CDH13: variants seen among roughly 807,000 people sequenced by gnomAD.
The protein encoded by CDH13 is cadherin-13.
In CDH13, 24 loss-of-function variants were observed where a neutral mutation model predicts 63.8. The ratio of observed to expected loss-of-function variants is 0.38; its 90% confidence interval spans 0.27 to 0.53. The LOEUF is 0.53. Ranked by LOEUF, CDH13 falls within the 20% of genes least tolerant of loss-of-function variation. The pLI is 0.85. For missense variants in CDH13, 1,049 were observed against 903.1 expected, an observed-to-expected ratio of 1.16 and a Z score of -2.07; for synonymous variants, 503 against 355.3, an observed-to-expected ratio of 1.42 and a Z score of -4.67.
chr16:83,594,458 C>T (rs951459787), intron 7 of CDH13, among the ~76,000 whole-genome samples: 23 of 152,124 alleles, frequency 1.5e-4, no homozygotes, highest in Non-Finnish European at 2.5e-4. Flanking sequence ...AAATGTCAAC[C>T]ATCCTATTGT....
At chr16:82,757,366 C>G (rs564071341) in intron 1 of CDH13, among the ~76,000 whole-genome samples, 2 of 148,766 alleles carry the variant, frequency 1.3e-5, no homozygotes, top group African/African-American at 4.9e-5. Flanking sequence ...GTCCAAAGGC[C>G]CTTGTCTTGA....
intron 6 of CDH13, among the ~76,000 whole-genome samples, chr16:83,417,456 G>A (rs76707112): frequency 0.011 from 1,686 of 152,048 alleles, 26 homozygotes; most frequent in African/African-American, 0.037. Context: ...TTAACCTGTC[G>A]TGACACCACC....
At chr16:83,129,867 A>G (rs1394670499) in intron 4 of CDH13, among the ~76,000 whole-genome samples, 2 of 152,148 alleles carry the variant, frequency 1.3e-5, no homozygotes, top group East Asian at 1.9e-4. Flanking sequence ...ATATATCTAT[A>G]TTATTTTTTG....
intron 1 of CDH13, among the ~76,000 whole-genome samples, chr16:82,820,950 C>T (rs886719302): frequency 5.9e-5 from 9 of 152,098 alleles, no homozygotes; most frequent in African/African-American, 2.2e-4. Flanking sequence ...GTGGGACCTG[C>T]CTCTACCAAT....
chr16:82,935,197 A>C (rs1345712974), intron 2 of CDH13, among the ~76,000 whole-genome samples: 1 of 152,220 alleles, frequency 6.6e-6, no homozygotes, highest in Admixed American at 6.5e-5. Flanking sequence ...GTTCATCTTC[A>C]CATGGCAGCA....
chr16:83,570,585 TGCA>T, intron 7 of CDH13, among the ~76,000 whole-genome samples: 1 of 151,836 alleles, frequency 6.6e-6, no homozygotes, highest in East Asian at 1.9e-4. Flanking sequence ...GCACAGTGTA[TGCA>T]ATCACTGGAA....
intron 11 of CDH13, among the ~76,000 whole-genome samples, chr16:83,751,466 A>T (rs1394803692): frequency 6.6e-6 from 1 of 152,112 alleles, no homozygotes; most frequent in Non-Finnish European, 1.5e-5. Context: ...CACAAAAAAG[A>T]AAGATACATC....
intron 1 of CDH13, among the ~76,000 whole-genome samples, chr16:82,831,309 G>C (rs1567579501): frequency 6.6e-6 from 1 of 152,126 alleles, no homozygotes; most frequent in Admixed American, 6.5e-5. Context: ...AGCTAGGTCG[G>C]TATCAAGTTT....
At chr16:82,657,160 C>A (rs1224523018) in intron 1 of CDH13, among the ~76,000 whole-genome samples, 1 of 147,772 alleles carries the variant, frequency 6.8e-6, no homozygotes, top group African/African-American at 2.5e-5. Context: ...TTGTACCAAG[C>A]CCTACATACA....
chr16:83,035,806 T>A (rs1456858042), intron 3 of CDH13, among the ~76,000 whole-genome samples: 1 of 152,210 alleles, frequency 6.6e-6, no homozygotes, highest in African/African-American at 2.4e-5. Context: ...GTCTGTAACA[T>A]AGGGATAATA....
chr16:82,648,103 G>T (rs1024229701), intron 1 of CDH13, among the ~76,000 whole-genome samples: 1 of 152,180 alleles, frequency 6.6e-6, no homozygotes. Context: ...CCTCAGCCAT[G>T]TGGAACTGTG....
intron 4 of CDH13, among the ~76,000 whole-genome samples, chr16:83,191,727 G>A (rs1223977175): frequency 2.0e-5 from 3 of 151,780 alleles, no homozygotes; most frequent in Admixed American, 2.0e-4. Flanking sequence ...CAGCATGGGC[G>A]AAAGATGTAG....
intron 1 of CDH13, among the ~76,000 whole-genome samples, chr16:82,722,049 A>T (rs55822653): frequency 6.6e-6 from 1 of 152,168 alleles, no homozygotes; most frequent in South Asian, 2.1e-4. Flanking sequence ...CAGGGATGGG[A>T]TTCAAGGAAG....
intron 1 of CDH13, among the ~76,000 whole-genome samples, chr16:82,728,491 C>G (rs144742794): frequency 6.6e-6 from 1 of 152,004 alleles, no homozygotes; most frequent in Admixed American, 6.6e-5. Context: ...ACTACAGTTA[C>G]GCTGTAGTCT....
At chr16:83,011,086 G>C (rs1300057949) in intron 2 of CDH13, among the ~76,000 whole-genome samples, 5 of 152,134 alleles carry the variant, frequency 3.3e-5, no homozygotes, top group Admixed American at 6.5e-5. Context: ...TCATGCTCAT[G>C]GAACACAGCA....
intron 7 of CDH13, among the ~76,000 whole-genome samples, chr16:83,581,465 C>T (rs1281487432): frequency 6.6e-6 from 1 of 152,212 alleles, no homozygotes; most frequent in Non-Finnish European, 1.5e-5. Flanking sequence ...ATATCCACAT[C>T]TCCTCCTTAT....
At chr16:82,929,413 G>T (rs1002265123) in intron 2 of CDH13, among the ~76,000 whole-genome samples, 1 of 151,696 alleles carries the variant, frequency 6.6e-6, no homozygotes, top group Non-Finnish European at 1.5e-5. Flanking sequence ...AGGCTGAGGC[G>T]GGGTGGATCA....
At chr16:83,354,403 G>A (rs375950708) in intron 6 of CDH13, among the ~76,000 whole-genome samples, 1 of 152,108 alleles carries the variant, frequency 6.6e-6, no homozygotes, top group Non-Finnish European at 1.5e-5. Flanking sequence ...TATTTATCGG[G>A]CAGTTTCTAT....
rs367860971 is a variant in CDH13, at chr16:83,188,023, T to C, written c.484-29322T>C. Among the ~76,000 whole-genome samples the C allele has an allele frequency of 3.9e-3, 588 of 152,204 alleles. 1 individual carries two copies. Among genetic ancestry groups the C allele is most frequent in the African/African-American group, 0.014 (571 of 41,528 alleles). On this transcript the variant is annotated intron_variant, in intron 4 of 13. Transcript: ENST00000567109. Reference sequence around the variant, plus strand: ...AATATTCTAGAAACTGTAGGAAGGCTGGTATGGCTGAAGCAGAGGGAGCAA... The same window carrying C: ...AATATTCTAGAAACTGTAGGAAGGCCGGTATGGCTGAAGCAGAGGGAGCAA...
Sources: gnomAD v4.1 joint callset for allele counts (sites outside exome capture counted in the v4.1 genomes callset) on GRCh38, gnomAD v4.1.1 for gene constraint, MANE v1.5 for transcripts, NCBI Gene and HGNC (gene_info 2026-07-23, HGNC 2026-07-21) for gene names.